The following ARNT2 variants were observed in gnomAD, a reference collection of about 807,000 sequenced individuals.
ARNT2 encodes the protein aryl hydrocarbon receptor nuclear translocator 2.
In ARNT2, 36 loss-of-function variants were observed where a neutral mutation model predicts 91.7. That is an observed-to-expected ratio of 0.39 (90% CI 0.30 to 0.52). The LOEUF is 0.52. ARNT2 is among the 20% of genes least tolerant of loss of function. ARNT2 has a pLI of 0.72. For synonymous variants in ARNT2, 365 were observed against 347.1 expected (o/e 1.05, Z -0.57); for missense variants, 775 against 939.3 (o/e 0.83, Z 2.29).
intron 11 of ARNT2, 67 bp downstream of exon 11, chr15:80,555,206 G>GC: frequency 6.5e-7 from 1 of 1,540,184 alleles, no homozygotes; most frequent in South Asian, 1.1e-5. Context: ...TGGCTGGCAG[G>GC]ACATTAGTCC....
At chr15:80,426,046 G>A (rs1027993507) in intron 1 of ARNT2, among the ~76,000 whole-genome samples, 1 of 130,156 alleles carries the variant, frequency 7.7e-6, no homozygotes, top group East Asian at 2.2e-4. Flanking sequence ...GGGCAACAGA[G>A]GAAGACTGTC....
chr15:80,450,319 A>G (rs1481713602), intron 1 of ARNT2, among the ~76,000 whole-genome samples: 1 of 152,204 alleles, frequency 6.6e-6, no homozygotes, highest in Non-Finnish European at 1.5e-5. Flanking sequence ...TTAACACCCT[A>G]GAGCTCACTG....
At chr15:80,545,644 C>T (rs1897978795) in intron 8 of ARNT2, among the ~76,000 whole-genome samples, 1 of 152,182 alleles carries the variant, frequency 6.6e-6, no homozygotes, top group Non-Finnish European at 1.5e-5. Context: ...GATTTCTAAC[C>T]TGAGATATGC....
At chr15:80,468,000 T>C (rs1446424736) in intron 3 of ARNT2, among the ~76,000 whole-genome samples, 1 of 152,128 alleles carries the variant, frequency 6.6e-6, no homozygotes, top group Admixed American at 6.5e-5. Flanking sequence ...CATCACTTTC[T>C]TTCATTATGA....
intron 1 of ARNT2, among the ~76,000 whole-genome samples, chr15:80,428,279 A>G (rs1359239786): frequency 6.6e-6 from 1 of 152,252 alleles, no homozygotes; most frequent in Non-Finnish European, 1.5e-5. Flanking sequence ...ATCGATATTC[A>G]TATGTCCATT....
intron 15 of ARNT2, among the ~76,000 whole-genome samples, chr15:80,578,481 T>A (rs1216363124): frequency 1.3e-5 from 2 of 150,284 alleles, no homozygotes; most frequent in Non-Finnish European, 3.0e-5. Context: ...GAGCTGTGTC[T>A]GCAGCAGCAG....
chr15:80,445,702 G>A (rs898491857), intron 1 of ARNT2, among the ~76,000 whole-genome samples: 52 of 151,940 alleles, frequency 3.4e-4, no homozygotes, highest in African/African-American at 1.3e-3. Context: ...CCTGAGATCC[G>A]GGTGGGCCTG....
At chr15:80,484,921 G>A (rs1318012517) in intron 5 of ARNT2, among the ~76,000 whole-genome samples, 1 of 152,142 alleles carries the variant, frequency 6.6e-6, no homozygotes, top group Non-Finnish European at 1.5e-5. Context: ...CTTTACCTTG[G>A]GTGAATGACT....
At chr15:80,577,031 C>T (rs1371088086) in intron 15 of ARNT2, 66 bp downstream of exon 15, 4 of 1,484,396 alleles carry the variant, frequency 2.7e-6, no homozygotes, top group Non-Finnish European at 3.8e-6. Flanking sequence ...CCCTGGGTCT[C>T]AGAGCACAGC....
At chr15:80,578,882 G>A (rs1042005781) in intron 15 of ARNT2, among the ~76,000 whole-genome samples, 3 of 152,330 alleles carry the variant, frequency 2.0e-5, no homozygotes, top group African/African-American at 7.2e-5. Flanking sequence ...AGCTGGCTTG[G>A]GATGGGGTAG....
At chr15:80,535,161 T>C (rs559629548) in intron 8 of ARNT2, among the ~76,000 whole-genome samples, 8 of 152,338 alleles carry the variant, frequency 5.3e-5, no homozygotes, top group African/African-American at 1.9e-4. Flanking sequence ...TTGGGAACTT[T>C]TTTGTGCTTG....
chr15:80,505,902 G>GA (rs1454172559), intron 5 of ARNT2, among the ~76,000 whole-genome samples: 4 of 137,508 alleles, frequency 2.9e-5, no homozygotes, highest in African/African-American at 1.1e-4. Flanking sequence ...CTGTGTTAAA[G>GA]AAAAAATGAT....
At chr15:80,528,755 C>T (rs1299558010) in intron 8 of ARNT2, among the ~76,000 whole-genome samples, 1 of 152,166 alleles carries the variant, frequency 6.6e-6, no homozygotes, top group Non-Finnish European at 1.5e-5. Flanking sequence ...CCTTCACCTT[C>T]CACCAGAGTA....
intron 6 of ARNT2, among the ~76,000 whole-genome samples, chr15:80,508,731 C>T (rs1384106871): frequency 1.3e-5 from 2 of 152,180 alleles, no homozygotes. Flanking sequence ...ATTATAGTGC[C>T]TTGAGGATGA....
At chr15:80,524,874 C>CAAA (rs36043186) in intron 8 of ARNT2, among the ~76,000 whole-genome samples, 1 of 89,298 alleles carries the variant, frequency 1.1e-5, no homozygotes. Flanking sequence ...GACTCTGTCT[C>CAAA]AAAAAAAAAA....
Position 80,490,200 on chromosome 15 carries a change from T to C in ARNT2, c.622+14977T>C, listed in dbSNP as rs1566985881. Among the ~76,000 whole-genome samples, 4 of 152,116 alleles carry C rather than the reference T, an allele frequency of 2.6e-5. No individual in the cohort carries two copies. The East Asian group carries it at 7.7e-4, about 29-fold the overall frequency. Reference sequence around the variant, plus strand: ...TCTGGGGAGTCTAGCTTCAACCTGATCTGCAGGGACAAAGCCTGGGAGAGT... The same window carrying C: ...TCTGGGGAGTCTAGCTTCAACCTGACCTGCAGGGACAAAGCCTGGGAGAGT... On this transcript the variant is annotated intron_variant, in intron 5 of 18. Transcript: ENST00000303329.
chr15:80,563,344 A>G (rs568395792), intron 12 of ARNT2, 105 bp downstream of exon 12: 48 of 1,429,768 alleles, frequency 3.4e-5, no homozygotes, highest in Non-Finnish European at 4.5e-5. Context: ...CTCTCCCTGC[A>G]GCTGGAAATC....
intron 8 of ARNT2, among the ~76,000 whole-genome samples, chr15:80,538,097 G>A (rs1464046564): frequency 6.6e-6 from 1 of 152,096 alleles, no homozygotes; most frequent in Admixed American, 6.5e-5. Context: ...TTGCCAAAAC[G>A]AAGAGTTCAT....
At chr15:80,551,177 A>C (rs779769620) in intron 8 of ARNT2, 22 bp from the exon 9 acceptor site, 3 of 1,607,232 alleles carry the variant, frequency 1.9e-6, no homozygotes, top group African/African-American at 1.3e-5. Flanking sequence ...ATTGTTGATG[A>C]CACAGGTATT....
Sources: gnomAD v4.1 joint callset for allele counts (sites outside exome capture counted in the v4.1 genomes callset) on GRCh38, gnomAD v4.1.1 for gene constraint, MANE v1.5 for transcripts, NCBI Gene and HGNC (gene_info 2026-07-23, HGNC 2026-07-21) for gene names.